The following RTL4 variants were observed in gnomAD, a reference collection of about 807,000 sequenced individuals.
RTL4 encodes the protein retrotransposon Gag like 4, also known as retrotransposon Gag-like protein 4.
A neutral mutation model predicts 5.3 loss-of-function variants in RTL4; 4 were observed. The ratio of observed to expected loss-of-function variants is 0.75; its 90% confidence interval spans 0.37 to 1.72. RTL4 has a LOEUF of 1.72. Among genes scored for constraint, RTL4 ranks in the 40% most tolerant of loss-of-function variants. The pLI is 0.04. For missense variants in RTL4, 260 were observed against 227.1 expected, an observed-to-expected ratio of 1.14 and a Z score of -0.93; for synonymous variants, 98 against 87.3, an observed-to-expected ratio of 1.12 and a Z score of -0.68.
chrX:112,217,353 A>G, the RTL4 span, among the ~76,000 whole-genome samples: 2 of 112,008 alleles, frequency 1.8e-5, no homozygotes, highest in African/African-American at 6.5e-5. Context: ...TATGAAAGGA[A>G]GATTCTGCCT....
At chrX:112,210,792 T>C in the RTL4 span, among the ~76,000 whole-genome samples, 1 of 112,251 alleles carries the variant, frequency 8.9e-6, no homozygotes, top group Admixed American at 9.4e-5. Flanking sequence ...TTTTTTTAGC[T>C]CTTGTGAGAA....
chrX:112,097,763 G>A, the RTL4 span, among the ~76,000 whole-genome samples: 1 of 111,125 alleles, frequency 9.0e-6, no homozygotes, highest in East Asian at 2.8e-4. Flanking sequence ...AGCACTTCTG[G>A]CCCATTCTGG....
chrX:112,451,443 G>A (rs762740041), upstream of RTL4, among the ~76,000 whole-genome samples: 2 of 111,314 alleles, frequency 1.8e-5, no homozygotes, highest in Admixed American at 1.9e-4. Flanking sequence ...AGGCTGCAAT[G>A]AACTGTGAAC....
At chrX:112,100,632 C>A in the RTL4 span, among the ~76,000 whole-genome samples, 1 of 111,321 alleles carries the variant, frequency 9.0e-6, no homozygotes, top group Admixed American at 9.5e-5. Context: ...ATTTTTCTTC[C>A]ATGGAAAAAA....
the RTL4 span, among the ~76,000 whole-genome samples, chrX:112,252,684 C>G: frequency 9.0e-6 from 1 of 111,360 alleles, no homozygotes; most frequent in Non-Finnish European, 1.9e-5. Flanking sequence ...ATGCATGACC[C>G]CTGTCCTGGA....
the RTL4 span, among the ~76,000 whole-genome samples, chrX:112,254,405 C>T: frequency 9.1e-6 from 1 of 109,892 alleles, no homozygotes; most frequent in Non-Finnish European, 1.9e-5. Context: ...CCTCAGCTCA[C>T]TGCAACCTCC....
the RTL4 span, among the ~76,000 whole-genome samples, chrX:112,322,353 A>AT: frequency 3.7e-3 from 371 of 101,563 alleles, no homozygotes; most frequent in East Asian, 0.016. Flanking sequence ...GGCGCTTTTC[A>AT]TTTTTTTTTT....
chrX:112,330,202 A>G, the RTL4 span, among the ~76,000 whole-genome samples: 1 of 107,282 alleles, frequency 9.3e-6, no homozygotes, highest in Non-Finnish European at 1.9e-5. Flanking sequence ...TTCAATTAGG[A>G]AAAGAGGAAG....
chrX:112,301,269 C>T, the RTL4 span, among the ~76,000 whole-genome samples: 1 of 111,840 alleles, frequency 8.9e-6, no homozygotes. Flanking sequence ...CTGTCAATTA[C>T]AAGATATTTG....
chrX:112,184,322 G>A, the RTL4 span, among the ~76,000 whole-genome samples: 1 of 110,370 alleles, frequency 9.1e-6, no homozygotes, highest in Non-Finnish European at 1.9e-5. Flanking sequence ...TGCACGTTGT[G>A]CACATGTACC....
the RTL4 span, among the ~76,000 whole-genome samples, chrX:112,424,907 G>A: frequency 9.0e-6 from 1 of 110,872 alleles, no homozygotes; most frequent in African/African-American, 3.3e-5. Context: ...CATTTTTTAT[G>A]ATGGATGAAG....
chrX:112,311,503 C>T, the RTL4 span, among the ~76,000 whole-genome samples: 5 of 110,632 alleles, frequency 4.5e-5, no homozygotes, highest in Non-Finnish European at 9.4e-5. Flanking sequence ...AAATTTTCTA[C>T]GAAGTGTATG....
the RTL4 span, among the ~76,000 whole-genome samples, chrX:112,223,703 G>A: frequency 8.9e-6 from 1 of 111,870 alleles, no homozygotes; most frequent in Non-Finnish European, 1.9e-5. Flanking sequence ...CCCTGTAGGA[G>A]GGACTCCACT....
At chrX:112,137,504 A>G in the RTL4 span, among the ~76,000 whole-genome samples, 1 of 111,652 alleles carries the variant, frequency 9.0e-6, no homozygotes, top group East Asian at 2.8e-4. Context: ...TGAAGGAGGA[A>G]CTGTCAAACA....
At chrX:112,370,680 C>T in the RTL4 span, among the ~76,000 whole-genome samples, 1 of 110,961 alleles carries the variant, frequency 9.0e-6, no homozygotes, top group South Asian at 3.8e-4. Flanking sequence ...ATTGTTCGCA[C>T]GCTGAAAGGT....
chrX:112,385,356 T>C, the RTL4 span, among the ~76,000 whole-genome samples: 2 of 105,472 alleles, frequency 1.9e-5, no homozygotes, highest in Non-Finnish European at 3.9e-5. Flanking sequence ...TCATTTGAAA[T>C]TAATTATTGA....
chrX:112,158,476 A>T, the RTL4 span, among the ~76,000 whole-genome samples: 2 of 109,260 alleles, frequency 1.8e-5, no homozygotes, highest in African/African-American at 6.6e-5. Flanking sequence ...TGATATATAT[A>T]TAAAGGTCAT....
the RTL4 span, among the ~76,000 whole-genome samples, chrX:112,157,374 G>A: frequency 3.6e-5 from 4 of 110,823 alleles, no homozygotes; most frequent in African/African-American, 9.9e-5. Flanking sequence ...CCGATGTTTT[G>A]TGAGATTAGG....
At chrX:112,097,484 A>C in the RTL4 span, among the ~76,000 whole-genome samples, 2 of 110,579 alleles carry the variant, frequency 1.8e-5, no homozygotes, top group Non-Finnish European at 3.8e-5. Flanking sequence ...AAAAATACAA[A>C]AATTAGCCAG....
Sources: gnomAD v4.1 joint callset for allele counts (sites outside exome capture counted in the v4.1 genomes callset) on GRCh38, gnomAD v4.1.1 for gene constraint, MANE v1.5 for transcripts, NCBI Gene and HGNC (gene_info 2026-07-23, HGNC 2026-07-21) for gene names.